The following SI variants were observed in gnomAD, a reference collection of about 807,000 sequenced individuals.
The protein encoded by SI is sucrase-isomaltase.
Under a neutral mutation model 253.3 loss-of-function variants are expected in SI, and 235 were observed. The ratio of observed to expected loss-of-function variants is 0.93; its 90% CI spans 0.83 to 1.03. The LOEUF (loss-of-function observed/expected upper bound fraction) is 1.03. Ranked by LOEUF, SI falls within the 50% of genes least tolerant of loss-of-function variation. The pLI is 0.00. For missense variants in SI, 2,442 were observed against 2,211.1 expected (o/e 1.10, Z -2.09); for synonymous variants, 819 against 712.0 (o/e 1.15, Z -2.39).
At position 165,059,910 on chromosome 3, in the gene SI, T is replaced by C; in HGVS notation, c.1138A>G (p.Ile380Val). ...CCCTTTATTCTACTTACAAATGGTA[T>C]GCCAGCTTCCCGGTTTCTCCTTACC... The part of the protein sequence containing the change: ...EVVRRNREAG[I>V]PFDTQVTDID... The change falls in exon 10 of 48, where the codon ATA becomes GTA. Residue 380 changes from isoleucine to valine, a missense_variant. By Grantham distance (29) the Ile-to-Val change is conservative. Coordinates refer to ENST00000264382, the MANE Select transcript of SI (RefSeq NM_001041.4). 6.2e-7 allele frequency: 1 copy of C among 1,611,600 alleles called. No homozygotes were observed. Among genetic ancestry groups the C allele is most frequent in the Non-Finnish European group, 8.5e-7 (1 of 1,178,140 alleles).
intron 47 of SI, among the ~76,000 whole-genome samples, chr3:164,981,683 T>G (rs192659344): frequency 6.6e-6 from 1 of 152,228 alleles, no homozygotes; most frequent in Admixed American, 6.6e-5. Flanking sequence ...GGAAGGAGCT[T>G]AAGAGATTGA....
chr3:165,073,389 T>C (rs897740137), intron 3 of SI, among the ~76,000 whole-genome samples: 2 of 152,124 alleles, frequency 1.3e-5, no homozygotes, highest in African/African-American at 4.8e-5. Flanking sequence ...AAATACTATG[T>C]TATTTAGCTC....
At chr3:165,005,655 T>G in intron 37 of SI, among the ~76,000 whole-genome samples, 1 of 152,200 alleles carries the variant, frequency 6.6e-6, no homozygotes, top group East Asian at 1.9e-4. Context: ...AACTTTAAAA[T>G]TCCATTCCTG....
intron 12 of SI, among the ~76,000 whole-genome samples, chr3:165,055,808 T>G (rs547268006): frequency 1.3e-5 from 2 of 152,118 alleles, no homozygotes; most frequent in African/African-American, 4.8e-5. Flanking sequence ...TTCATTAGAA[T>G]TTTTGAAAGC....
Position 165,055,297 on chromosome 3 carries a change from C to A in SI, c.1409G>T (p.Gly470Val). ...STPIIGEVWP[G>V]LTVYPDFTNP... ...AGTGAAATCAGGGTATACTGTTAATCCTGGCCATACCTAGAAGAATAGATC... is the reference window on the plus strand; with the variant it reads ...AGTGAAATCAGGGTATACTGTTAATACTGGCCATACCTAGAAGAATAGATC... Residue 470 changes from glycine (G) to valine (V), a missense_variant, in exon 13 of 48, where the codon GGA (glycine) becomes GTA (valine). Gly to Val is a moderately radical substitution (Grantham distance 109, BLOSUM62 -3). Transcript: ENST00000264382. 6.4e-7 allele frequency: 1 copy of A among 1,554,434 alleles called. No homozygotes were observed. Among genetic ancestry groups the A allele is most frequent in the Non-Finnish European group, 8.9e-7 (1 of 1,127,012 alleles).
intron 12 of SI, among the ~76,000 whole-genome samples, chr3:165,056,126 T>C (rs1713683161): frequency 6.6e-6 from 1 of 152,192 alleles, no homozygotes; most frequent in Admixed American, 6.6e-5. Context: ...AGCTAAATTA[T>C]ATTGTTTTGT....
chr3:165,043,868 T>C (rs1377870624), intron 16 of SI, among the ~76,000 whole-genome samples: 1 of 152,034 alleles, frequency 6.6e-6, no homozygotes, highest in Non-Finnish European at 1.5e-5. Context: ...AATTCAATTA[T>C]ATTAATGTCA....
At chr3:165,001,034 G>T (rs1275104675) in intron 37 of SI, among the ~76,000 whole-genome samples, 2 of 151,024 alleles carry the variant, frequency 1.3e-5, no homozygotes, top group Admixed American at 6.6e-5. Context: ...TATGTGAAGA[G>T]AATATTAAAT....
upstream of SI, among the ~76,000 whole-genome samples, chr3:165,078,823 T>C (rs1187201189): frequency 1.3e-5 from 2 of 151,670 alleles, no homozygotes; most frequent in East Asian, 3.9e-4. Context: ...TTGTGTGCAA[T>C]TTAGATCCTC....
intron 46 of SI, 46 bp from the exon 47 acceptor site, chr3:164,982,456 A>C: frequency 6.9e-7 from 1 of 1,440,276 alleles, no homozygotes; most frequent in Non-Finnish European, 9.7e-7. Context: ...TATTTGCAAA[A>C]GCAATTAAAA....
At chr3:165,045,970 A>G (rs543659425) in intron 16 of SI, among the ~76,000 whole-genome samples, 12 of 151,060 alleles carry the variant, frequency 7.9e-5, no homozygotes, top group African/African-American at 2.9e-4. Context: ...AGTAGCTGGG[A>G]CTACAGGTGC....
intron 6 of SI, among the ~76,000 whole-genome samples, chr3:165,066,524 T>C (rs1714255941): frequency 6.6e-6 from 1 of 151,974 alleles, no homozygotes; most frequent in Non-Finnish European, 1.5e-5. Context: ...GTCATCATGT[T>C]GATTGGTCTC....
Position 165,049,143 on chromosome 3 carries a change from C to A in SI, c.1699G>T (p.Ala567Ser). The change falls in exon 15 of 48, where the codon GCT becomes TCT. Residue 567 changes from alanine (A) to serine (S), a missense_variant. Ala to Ser is a moderately conservative substitution (Grantham distance 99, BLOSUM62 1). Coordinates refer to ENST00000264382, the MANE Select transcript of SI (RefSeq NM_001041.4). ...TGCACTTACTGCTCTGTGGCTATAGCCATGCTGTATCCATAGAGGCTATGA... is the reference window on the plus strand; with the variant it reads ...TGCACTTACTGCTCTGTGGCTATAGACATGCTGTATCCATAGAGGCTATGA... ...DVHSLYGYSM[A>S]IATEQAVQKV... 5.1e-6 allele frequency: 8 copies of A among 1,580,048 alleles called. No individual in the cohort carries two copies. The highest frequency in any genetic ancestry group is 7.0e-6 in the Non-Finnish European group (8 of 1,148,974).
intron 4 of SI, 111 bp from the exon 5 acceptor site, chr3:165,068,942 T>TA (rs771372672): frequency 4.1e-5 from 40 of 985,684 alleles, no homozygotes; most frequent in Admixed American, 3.2e-4. Context: ...TTAAATTTGT[T>TA]ACAATCATGC....
chr3:165,043,747 T>A (rs1712974018), intron 16 of SI, among the ~76,000 whole-genome samples: 1 of 152,098 alleles, frequency 6.6e-6, no homozygotes, highest in Non-Finnish European at 1.5e-5. Context: ...TTATTTTTTC[T>A]GTGTAAGTAT....
intron 37 of SI, among the ~76,000 whole-genome samples, chr3:164,999,104 C>A (rs1254090259): frequency 6.6e-6 from 1 of 151,790 alleles, no homozygotes; most frequent in African/African-American, 2.4e-5. Flanking sequence ...GCAGACAATG[C>A]CTACTATCAT....
chr3:165,005,109 A>G (rs1718441819), intron 37 of SI, among the ~76,000 whole-genome samples: 1 of 152,134 alleles, frequency 6.6e-6, no homozygotes, highest in African/African-American at 2.4e-5. Context: ...CTCTCCAGCC[A>G]TGCAGAACTG....
chr3:165,047,003 T>C lies in SI; in HGVS notation c.1725A>G (p.Gln575=), dbSNP rs1039773108. Reference sequence around the variant, plus strand: ...AGCTTCTCTTATTAGGAAAAACTTTTTGTACAGCTCTAAAAATAAAACCAA... The same window carrying C: ...AGCTTCTCTTATTAGGAAAAACTTTCTGTACAGCTCTAAAAATAAAACCAA... ...SMAIATEQAV[Q]KVFPNKRSFI... is the part of the protein sequence containing the mutation. The change falls in exon 16 of 48, where the codon CAA becomes CAG. Residue 575 remains glutamine (Q), a synonymous_variant. Transcript: ENST00000264382. 1.9e-6 allele frequency: 3 copies of C among 1,603,584 alleles called. No individual in the cohort carries two copies. The highest frequency in any genetic ancestry group is 1.3e-5 in the African/African-American group (1 of 74,508).
At chr3:164,992,938 T>A (rs887005862) in intron 41 of SI, among the ~76,000 whole-genome samples, 7 of 151,866 alleles carry the variant, frequency 4.6e-5, no homozygotes, top group African/African-American at 1.7e-4. Flanking sequence ...TTTTTTTGTT[T>A]GTTTTGTTTT....
Sources: gnomAD v4.1 joint callset for allele counts (sites outside exome capture counted in the v4.1 genomes callset) on GRCh38, gnomAD v4.1.1 for gene constraint, MANE v1.5 for transcripts, NCBI Gene and HGNC (gene_info 2026-07-23, HGNC 2026-07-21) for gene names.